CNTNAP5: variants seen among roughly 807,000 people sequenced by gnomAD.
The protein encoded by CNTNAP5 is contactin associated protein family member 5.
CNTNAP5 carries 72 observed loss-of-function variants against 150.2 expected under a neutral mutation model. That is an observed-to-expected ratio of 0.48 (90% CI 0.40 to 0.58). The LOEUF is 0.58. Ranked by LOEUF, CNTNAP5 falls within the 20% of genes least tolerant of loss-of-function variation. CNTNAP5 has a pLI of 0.00. For synonymous variants in CNTNAP5, 672 were observed against 619.8 expected, an observed-to-expected ratio of 1.08 and a Z score of -1.25; for missense variants, 1,636 against 1,626.2, an observed-to-expected ratio of 1.01 and a Z score of -0.10.
intron 13 of CNTNAP5, among the ~76,000 whole-genome samples, chr2:124,670,460 A>C (rs1678798400): frequency 6.6e-6 from 1 of 152,054 alleles, no homozygotes; most frequent in African/African-American, 2.4e-5. Context: ...TCTTTATCTC[A>C]GATACTAGAC....
chr2:124,295,592 G>A (rs544701363), intron 3 of CNTNAP5, among the ~76,000 whole-genome samples: 1 of 152,204 alleles, frequency 6.6e-6, no homozygotes, highest in African/African-American at 2.4e-5. Flanking sequence ...TGATACAAAT[G>A]AGTTTTCATT....
At chr2:124,168,653 A>G (rs1375238992) in intron 1 of CNTNAP5, among the ~76,000 whole-genome samples, 1 of 152,216 alleles carries the variant, frequency 6.6e-6, no homozygotes, top group Non-Finnish European at 1.5e-5. Flanking sequence ...AAAACAGGAA[A>G]GCAAATGGAA....
chr2:124,118,921 T>C (rs1194619651), intron 1 of CNTNAP5, among the ~76,000 whole-genome samples: 1 of 152,204 alleles, frequency 6.6e-6, no homozygotes, highest in East Asian at 1.9e-4. Context: ...CCAAATACTC[T>C]TTCATGTATA....
intron 17 of CNTNAP5, among the ~76,000 whole-genome samples, chr2:124,785,041 G>GAAAAAAAAAAAAAAAAAAAAAAAAAAA (rs67254743): frequency 8.1e-6 from 1 of 123,514 alleles, no homozygotes; most frequent in East Asian, 2.4e-4. Context: ...TTAAGGCTGA[G>GAAAAAAAAAAAAAAAAAAAAAAAAAAA]AAAAAAAAAA....
chr2:124,755,186 A>G (rs1006055025), intron 14 of CNTNAP5, among the ~76,000 whole-genome samples: 1 of 152,072 alleles, frequency 6.6e-6, no homozygotes, highest in Admixed American at 6.6e-5. Flanking sequence ...AAACATAGCT[A>G]TGAAATACTT....
intron 5 of CNTNAP5, among the ~76,000 whole-genome samples, chr2:124,443,846 G>C (rs1026363149): frequency 2.0e-5 from 3 of 151,518 alleles, no homozygotes; most frequent in Non-Finnish European, 2.9e-5. Context: ...GTGTGTGTGT[G>C]TGTGTGATGT....
chr2:124,702,374 T>C (rs1195271085), intron 13 of CNTNAP5, among the ~76,000 whole-genome samples: 10 of 75,618 alleles, frequency 1.3e-4, no homozygotes, highest in Non-Finnish European at 2.6e-4. Flanking sequence ...TTTTTTTTTT[T>C]TTTTTTTTTT....
intron 1 of CNTNAP5, among the ~76,000 whole-genome samples, chr2:124,088,360 G>A (rs764672373): frequency 1.1e-4 from 17 of 151,838 alleles, no homozygotes; most frequent in East Asian, 3.9e-4. Context: ...TGTTTCCAGC[G>A]TGTTCATAAT....
chr2:124,188,406 A>G (rs1006791834), intron 1 of CNTNAP5, among the ~76,000 whole-genome samples: 24 of 152,146 alleles, frequency 1.6e-4, no homozygotes, highest in African/African-American at 5.3e-4. Flanking sequence ...AGAAACATCT[A>G]TTTATAAAAG....
chr2:124,566,121 T>A (rs900643285), intron 11 of CNTNAP5, among the ~76,000 whole-genome samples: 9 of 150,500 alleles, frequency 6.0e-5, no homozygotes, highest in Admixed American at 1.3e-4. Flanking sequence ...ACCATATACC[T>A]ATAGAGAAAT....
At chr2:124,267,055 A>C (rs1447617855) in intron 3 of CNTNAP5, among the ~76,000 whole-genome samples, 3 of 151,544 alleles carry the variant, frequency 2.0e-5, no homozygotes, top group African/African-American at 4.8e-5. Flanking sequence ...TATCTGATCT[A>C]TCTCTCCAGT....
Position 124,856,302 on chromosome 2 carries a change from C to T in CNTNAP5, c.3218-9004C>T, listed in dbSNP as rs571737673. On this transcript the variant is annotated intron_variant, in intron 19 of 23. Coordinates refer to ENST00000682447, the MANE Select transcript of CNTNAP5 (RefSeq NM_001367498.1). ...TGCAAATGTCACTGCTATAAACATG[C>T]GTGTGCAAGTATCTTTCTTGTATAA... 3.3e-5 allele frequency among the ~76,000 whole-genome samples: 5 copies of T among 152,242 alleles called. No individual in the cohort carries two copies. The East Asian group carries it at 5.8e-4, about 18-fold the overall frequency.
intron 3 of CNTNAP5, among the ~76,000 whole-genome samples, chr2:124,334,269 G>T (rs951418298): frequency 6.6e-6 from 1 of 152,140 alleles, no homozygotes; most frequent in South Asian, 2.1e-4. Context: ...AATGGAGGAG[G>T]TAGAAGCTTT....
chr2:124,842,487 A>G (rs973955543), intron 19 of CNTNAP5, among the ~76,000 whole-genome samples: 5 of 152,192 alleles, frequency 3.3e-5, no homozygotes, highest in African/African-American at 9.6e-5. Flanking sequence ...TGAAGCATAC[A>G]GTAAGGAAAC....
chr2:124,192,674 C>G (rs1045541989), intron 1 of CNTNAP5, among the ~76,000 whole-genome samples: 2 of 152,248 alleles, frequency 1.3e-5, no homozygotes, highest in East Asian at 1.9e-4. Context: ...AATCTCAGAT[C>G]CTTCTCTGAC....
chr2:124,763,877 C>T, intron 15 of CNTNAP5, 78 bp downstream of exon 15: 1 of 1,599,882 alleles, frequency 6.3e-7, no homozygotes, highest in Non-Finnish European at 8.5e-7. Flanking sequence ...TCCCTTTTCC[C>T]TGCAGTGTGC....
chr2:124,285,705 A>G (rs1413409149), intron 3 of CNTNAP5, among the ~76,000 whole-genome samples: 1 of 151,776 alleles, frequency 6.6e-6, no homozygotes, highest in East Asian at 1.9e-4. Flanking sequence ...TGAGAGGCTG[A>G]GGTGGGAGGA....
At chr2:124,668,554 C>T (rs2105054112) in intron 13 of CNTNAP5, among the ~76,000 whole-genome samples, 2 of 152,302 alleles carry the variant, frequency 1.3e-5, no homozygotes, top group South Asian at 4.1e-4. Context: ...TTTCCCTCCA[C>T]AGGCCCTCCC....
intron 13 of CNTNAP5, among the ~76,000 whole-genome samples, chr2:124,655,939 G>GAC (rs1293660826): frequency 9.7e-6 from 1 of 103,010 alleles, no homozygotes; most frequent in African/African-American, 4.0e-5. Context: ...GAGAGAGAGA[G>GAC]AGAGAGAGAA....
Sources: allele counts gnomAD v4.1 joint callset (sites outside exome capture counted in the v4.1 genomes callset), GRCh38; gene constraint gnomAD v4.1.1; transcripts MANE v1.5; gene names NCBI Gene and HGNC (gene_info 2026-07-23, HGNC 2026-07-21).